Variants in AACS observed in about 807,000 individuals in gnomAD.
AACS encodes the protein acetoacetate-CoA ligase.
AACS carries 69 observed loss-of-function variants against 83.1 expected under a neutral mutation model. That is an observed-to-expected ratio of 0.83 (90% confidence interval 0.68 to 1.01). The LOEUF is 1.01. AACS is among the 50% of genes least tolerant of loss of function. The probability of loss-of-function intolerance (pLI) is 0.00; values close to 1 mark genes in which losing one functional copy is unlikely to be tolerated. For missense variants in AACS, 866 were observed against 882.2 expected (o/e 0.98, Z 0.23); for synonymous variants, 333 against 343.4 (o/e 0.97, Z 0.33).
chr12:125,089,124 C>A (rs1387508553), intron 4 of AACS, among the ~76,000 whole-genome samples: 1 of 152,200 alleles, frequency 6.6e-6, no homozygotes, highest in Admixed American at 6.5e-5. Flanking sequence ...CCTGCCCTGA[C>A]CCTGGGGGTG....
intron 3 of AACS, among the ~76,000 whole-genome samples, chr12:125,084,131 T>C (rs1956269995): frequency 6.6e-6 from 1 of 151,832 alleles, no homozygotes; most frequent in African/African-American, 2.4e-5. Flanking sequence ...AGTTTGAGAT[T>C]AGCCTGACCA....
chr12:125,076,290 A>G (rs1024127214), intron 2 of AACS, among the ~76,000 whole-genome samples: 1 of 152,174 alleles, frequency 6.6e-6, no homozygotes, highest in Admixed American at 6.5e-5. Context: ...GTTGGCATTA[A>G]TCCCTACTTT....
chr12:125,106,275 T>G (rs987144672), intron 7 of AACS, among the ~76,000 whole-genome samples: 1 of 152,210 alleles, frequency 6.6e-6, no homozygotes, highest in African/African-American at 2.4e-5. Flanking sequence ...AACCACCTTT[T>G]CCCAAGATGG....
rs1414463448 is a variant in AACS at position 125,134,756 on chromosome 12, G to A, written c.1620-38G>A. ...GACCCCTGGGACTTGCTTCACTCCA[G>A]AGCTGCGGTGTGGCCCTGACCTCTT... On this transcript the variant is annotated intron_variant, in intron 15 of 17. Transcript: ENST00000316519. 5 of 1,613,626 alleles carry A rather than the reference G, an allele frequency of 3.1e-6. No individual in the cohort carries two copies. The Middle Eastern group carries it at 6.6e-4, about 212-fold the overall frequency.
intron 14 of AACS, among the ~76,000 whole-genome samples, chr12:125,133,262 G>C (rs1957352795): frequency 6.6e-6 from 1 of 152,192 alleles, no homozygotes; most frequent in African/African-American, 2.4e-5. Context: ...TGGCGCCTGG[G>C]TGGAGGATGT....
intron 16 of AACS, 22 bp from the exon 17 acceptor site, chr12:125,136,640 G>C: frequency 6.2e-7 from 1 of 1,609,488 alleles, no homozygotes. Flanking sequence ...GCGTGAATGT[G>C]CACCCTCTCC....
At chr12:125,114,444 G>C in intron 8 of AACS, 33 bp from the exon 9 acceptor site, 1 of 1,600,412 alleles carries the variant, frequency 6.2e-7, no homozygotes, top group Non-Finnish European at 8.5e-7. Flanking sequence ...ATGCCTAACA[G>C]AGAGCACCCG....
intron 3 of AACS, among the ~76,000 whole-genome samples, chr12:125,085,928 T>A (rs1956328715): frequency 6.6e-6 from 1 of 152,144 alleles, no homozygotes; most frequent in South Asian, 2.1e-4. Context: ...TAGCTGGGAC[T>A]ACAGACGTGT....
chr12:125,123,463 C>T (rs1957190346), intron 10 of AACS: 1 of 152,254 alleles, frequency 6.6e-6, no homozygotes, highest in Non-Finnish European at 1.5e-5. Context: ...ACAGTGGTGG[C>T]TTTGTTGGTG....
At chr12:125,120,560 T>G (rs1397546488) in intron 10 of AACS, 1 of 152,208 alleles carries the variant, frequency 6.6e-6, no homozygotes, top group Non-Finnish European at 1.5e-5. Flanking sequence ...TTCAGATGGC[T>G]TTAGAATCTT....
intron 3 of AACS, among the ~76,000 whole-genome samples, chr12:125,084,082 C>T (rs1956268269): frequency 1.3e-5 from 2 of 152,090 alleles, no homozygotes; most frequent in African/African-American, 4.8e-5. Context: ...AATCTCAGCA[C>T]ATTGGGAGTT....
At chr12:125,132,475 C>G (rs1193119345) in intron 14 of AACS, among the ~76,000 whole-genome samples, 1 of 152,186 alleles carries the variant, frequency 6.6e-6, no homozygotes, top group Non-Finnish European at 1.5e-5. Flanking sequence ...AGGCTTGCAG[C>G]TCTCATCTTC....
chr12:125,115,424 C>G (rs867023552), intron 9 of AACS, among the ~76,000 whole-genome samples: 6 of 152,112 alleles, frequency 3.9e-5, no homozygotes, highest in African/African-American at 1.2e-4. Context: ...CCACGCCCAG[C>G]TAATTTTTTG....
intron 10 of AACS, chr12:125,121,478 A>T (rs1957151981): frequency 6.6e-6 from 1 of 152,156 alleles, no homozygotes; most frequent in South Asian, 2.1e-4. Context: ...GAGGGGTGAG[A>T]TCTCTGTTGA....
intron 7 of AACS, among the ~76,000 whole-genome samples, chr12:125,103,473 G>A (rs575352115): frequency 2.0e-5 from 3 of 151,996 alleles, no homozygotes; most frequent in South Asian, 2.1e-4. Context: ...ATATCTACAC[G>A]TGTACACATG....
chr12:125,096,051 A>G (rs554379253), intron 5 of AACS, among the ~76,000 whole-genome samples: 1 of 151,964 alleles, frequency 6.6e-6, no homozygotes, highest in East Asian at 1.9e-4. Flanking sequence ...TGCAAGCTCC[A>G]CCTCCTGGGT....
At chr12:125,099,990 C>T (rs540538310) in intron 5 of AACS, among the ~76,000 whole-genome samples, 1 of 152,084 alleles carries the variant, frequency 6.6e-6, no homozygotes, top group South Asian at 2.1e-4. Flanking sequence ...TGCATTTTTT[C>T]TTCTTGACCA....
At chr12:125,089,428 G>A (rs926053756) in intron 4 of AACS, among the ~76,000 whole-genome samples, 2 of 152,252 alleles carry the variant, frequency 1.3e-5, no homozygotes, top group East Asian at 1.9e-4. Context: ...CCTTCGTCTC[G>A]TGACTGCCTT....
At chr12:125,106,225 A>G (rs996406893) in intron 7 of AACS, among the ~76,000 whole-genome samples, 4 of 152,186 alleles carry the variant, frequency 2.6e-5, no homozygotes, top group South Asian at 2.1e-4. Flanking sequence ...TATAGGGCCA[A>G]TGTTTTGAGA....
Sources: gnomAD v4.1 joint callset for allele counts (sites outside exome capture counted in the v4.1 genomes callset) on GRCh38, gnomAD v4.1.1 for gene constraint, MANE v1.5 for transcripts, NCBI Gene and HGNC (gene_info 2026-07-23, HGNC 2026-07-21) for gene names.